BTBD8: variants seen among roughly 807,000 people sequenced by gnomAD.
BTBD8 encodes BTB domain containing 8, also known as BTB/POZ domain-containing protein 8.
Under a neutral mutation model 162.9 loss-of-function variants are expected in BTBD8, and 110 were observed. The observed-to-expected ratio is 0.68, with a 90% CI of 0.58 to 0.79. The LOEUF (loss-of-function observed/expected upper bound fraction) is 0.79, where lower values mean the gene tolerates loss of function less well. BTBD8 is among the 30% of genes least tolerant of loss of function. BTBD8 has a pLI of 0.00. For synonymous variants in BTBD8, 667 were observed against 716.1 expected, an observed-to-expected ratio of 0.93 and a Z score of 1.10; for missense variants, 1,905 against 2,085.4, an observed-to-expected ratio of 0.91 and a Z score of 1.68.
intron 9 of BTBD8, among the ~76,000 whole-genome samples, chr1:92,163,626 C>T (rs937500881): frequency 3.3e-5 from 5 of 150,872 alleles, no homozygotes; most frequent in African/African-American, 7.3e-5. Context: ...TTGTGAAGAG[C>T]GAAAGGACAA....
At position 92,152,281 on chromosome 1, in the gene BTBD8, G is replaced by A. The variant is rs182006993; in HGVS notation, c.1122+4495G>A. On this transcript the variant is annotated intron_variant, in intron 9 of 17. Coordinates refer to ENST00000636805, the MANE Select transcript of BTBD8 (RefSeq NM_001376131.1). Reference sequence around the variant, plus strand: ...ACAGGTTAGACTATGATGAGTACAAGCATTAAGTTACATGTCAAATCTTTA... The same window carrying A: ...ACAGGTTAGACTATGATGAGTACAAACATTAAGTTACATGTCAAATCTTTA... Among the ~76,000 whole-genome samples, 49 of 152,202 alleles carry A rather than the reference G, an allele frequency of 3.2e-4. 1 individual carries two copies. The highest frequency in any genetic ancestry group is 2.4e-4 in the Non-Finnish European group (16 of 68,006).
At chr1:92,105,378 G>A (rs1234419240) in intron 3 of BTBD8, among the ~76,000 whole-genome samples, 6 of 151,858 alleles carry the variant, frequency 4.0e-5, no homozygotes, top group African/African-American at 1.2e-4. Flanking sequence ...TCAGCCTCTC[G>A]AGTAGCTGGG....
At position 92,180,756 on chromosome 1, in the gene BTBD8, G is replaced by T; in HGVS notation, c.3073G>T (p.Ala1025Ser). 6.4e-7 allele frequency: 1 copy of T among 1,551,698 alleles called. No homozygotes were observed. Among genetic ancestry groups the T allele is most frequent in the Non-Finnish European group, 8.7e-7 (1 of 1,146,994 alleles). ...PLNDQEKEKL[A>S]LECQNISKLD... Reference sequence around the variant, plus strand: ...AAACGATCAAGAAAAAGAGAAGTTGGCGTTAGAATGCCAAAATATTTCAAA... The same window carrying T: ...AAACGATCAAGAAAAAGAGAAGTTGTCGTTAGAATGCCAAAATATTTCAAA... Residue 1025 changes from alanine to serine, a missense_variant, in exon 17 of 18, where the codon GCG becomes TCG. This residue lies in a region of BTBD8 where 1,374 missense variants were observed against 1,442.7 expected (regional missense o/e 0.95). Transcript: ENST00000636805.
intron 9 of BTBD8, among the ~76,000 whole-genome samples, chr1:92,163,354 C>CAAAAAAAAAAAAAA (rs34760395): frequency 4.9e-5 from 1 of 20,408 alleles, no homozygotes; most frequent in Non-Finnish European, 8.4e-5. Flanking sequence ...GATTCTGTCT[C>CAAAAAAAAAAAAAA]AAAAAAAAAA....
At chr1:92,174,857 C>CT (rs1180762097) in intron 13 of BTBD8, among the ~76,000 whole-genome samples, 1 of 152,066 alleles carries the variant, frequency 6.6e-6, no homozygotes, top group Non-Finnish European at 1.5e-5. Flanking sequence ...CCGTGCTTTC[C>CT]TTTTTTCTAA....
Position 92,080,472 on chromosome 1 carries a change from T to C in BTBD8, c.-100T>C. The C allele has an allele frequency of 6.5e-7, 1 of 1,534,548 alleles. No homozygotes were observed. The highest frequency in any genetic ancestry group is 8.7e-7 in the Non-Finnish European group (1 of 1,143,956). ...TTTTACCCTAGGGGGCGGATTTGGG[T>C]AGGAGCCGAGCGTTCGGTCGGAAAC... On this transcript the variant is annotated 5_prime_UTR_variant, in exon 1 of 18. Transcript: ENST00000636805.
At chr1:92,115,343 G>A (rs2101914187) in intron 4 of BTBD8, 1 of 453,706 alleles carries the variant, frequency 2.2e-6, no homozygotes, top group Non-Finnish European at 4.2e-6. Flanking sequence ...GAGCTAAGCA[G>A]TTGGTGGTAC....
intron 1 of BTBD8, among the ~76,000 whole-genome samples, chr1:92,081,080 C>T (rs1006613965): frequency 2.0e-5 from 3 of 152,118 alleles, no homozygotes; most frequent in Admixed American, 2.0e-4. Context: ...TTAAAATAAG[C>T]TTATACTATT....
intron 6 of BTBD8, chr1:92,139,644 C>T (rs1014759387): frequency 2.1e-6 from 2 of 959,288 alleles, no homozygotes; most frequent in African/African-American, 2.3e-5. Flanking sequence ...AGATTGAGAA[C>T]AGTCTTTATT....
At position 92,087,872 on chromosome 1, in the gene BTBD8, G is replaced by C. The variant is rs1271117044; in HGVS notation, c.150-826G>C. 6.6e-5 allele frequency among the ~76,000 whole-genome samples: 10 copies of C among 152,316 alleles called. No homozygotes were observed. The South Asian group carries it at 2.1e-3, about 32-fold the overall frequency. On this transcript the variant is annotated intron_variant, in intron 1 of 17. Coordinates refer to ENST00000636805, the MANE Select transcript of BTBD8 (RefSeq NM_001376131.1). ...GTCCTCTGAGAATGCATACCTTGCTGATGATATTGCTATAGTGATATGAAG... is the reference window on the plus strand; with the variant it reads ...GTCCTCTGAGAATGCATACCTTGCTCATGATATTGCTATAGTGATATGAAG...
At chr1:92,162,663 C>T (rs186782786) in intron 9 of BTBD8, among the ~76,000 whole-genome samples, 119 of 152,252 alleles carry the variant, frequency 7.8e-4, no homozygotes, top group Admixed American at 1.5e-3. Flanking sequence ...CTAGAAAATA[C>T]ACCCTTGAAT....
intron 4 of BTBD8, among the ~76,000 whole-genome samples, chr1:92,109,631 T>C (rs1232435595): frequency 6.6e-6 from 1 of 152,222 alleles, no homozygotes; most frequent in Non-Finnish European, 1.5e-5. Context: ...TGCCCTTATG[T>C]AAGTTAGAAT....
At chr1:92,183,515 A>G (rs1650979521) in intron 17 of BTBD8, among the ~76,000 whole-genome samples, 1 of 151,136 alleles carries the variant, frequency 6.6e-6, no homozygotes, top group South Asian at 2.1e-4. Context: ...TCATCAAAAC[A>G]CTATGTCTTT....
At chr1:92,125,336 G>T in intron 4 of BTBD8, 2 of 209,656 alleles carry the variant, frequency 9.5e-6, no homozygotes, top group South Asian at 1.6e-4. Context: ...CAGAGAGGAG[G>T]AGCATAGCCT....
chr1:92,168,022 T>C (rs919902050), intron 11 of BTBD8, 37 bp downstream of exon 11: 4 of 1,484,610 alleles, frequency 2.7e-6, no homozygotes, highest in Admixed American at 2.2e-5. Flanking sequence ...AATAATGCAA[T>C]ATTTGAACTA....
chr1:92,177,763 C>A, intron 14 of BTBD8, 48 bp from the exon 15 acceptor site: 2 of 1,099,848 alleles, frequency 1.8e-6, no homozygotes, highest in Non-Finnish European at 2.7e-6. Context: ...ACGTTTGTTA[C>A]ATATTTAATG....
chr1:92,102,401 A>G, intron 2 of BTBD8, 72 bp from the exon 3 acceptor site: 1 of 1,153,172 alleles, frequency 8.7e-7, no homozygotes, highest in Non-Finnish European at 1.1e-6. Context: ...TAGCACACTA[A>G]GGAAACTAGC....
chr1:92,112,326 C>T (rs1413201616), intron 4 of BTBD8, among the ~76,000 whole-genome samples: 5 of 152,076 alleles, frequency 3.3e-5, no homozygotes, highest in Admixed American at 6.6e-5. Context: ...ATCATTTGAG[C>T]CTAGGTGTTT....
At position 92,080,669 on chromosome 1, in the gene BTBD8, G is replaced by C. The variant is rs1385096110; in HGVS notation, c.98G>C (p.Arg33Pro). 2 of 1,613,312 alleles carry C rather than the reference G, an allele frequency of 1.2e-6. No homozygotes were observed. Among genetic ancestry groups the C allele is most frequent in the Non-Finnish European group, 1.7e-6 (2 of 1,179,700 alleles). ...KGLQRKGPCE[R>P]RRLKATVSEQ... ...TTGCAAAGGAAGGGGCCGTGTGAGC[G>C]GCGCCGGCTGAAGGCGACGGTGTCG... The change falls in exon 1 of 18, where the codon CGG becomes CCG. Residue 33 changes from arginine (R) to proline (P), a missense_variant. Arg to Pro is a moderately radical substitution (Grantham distance 103). Coordinates refer to ENST00000636805, the MANE Select transcript of BTBD8 (RefSeq NM_001376131.1).
Sources: gnomAD v4.1 joint callset for allele counts (sites outside exome capture counted in the v4.1 genomes callset) on GRCh38, gnomAD v4.1.1 for gene constraint, gnomAD v4.1.1 regional missense constraint, MANE v1.5 for transcripts, NCBI Gene and HGNC (gene_info 2026-07-23, HGNC 2026-07-21) for gene names.